The following KIAA1217 variants were observed in gnomAD, a reference collection of about 807,000 sequenced individuals.
KIAA1217 encodes the protein KIAA1217.
A neutral mutation model predicts 163.9 loss-of-function variants in KIAA1217; 88 were observed. The observed-to-expected ratio is 0.54, with a 90% CI of 0.45 to 0.64. KIAA1217 has a LOEUF of 0.64. KIAA1217 is among the 30% of genes least tolerant of loss of function. The probability of loss-of-function intolerance (pLI) is 0.00; values close to 1 mark genes in which losing one functional copy is unlikely to be tolerated. For missense variants in KIAA1217, 2,372 were observed against 2,475.0 expected, an observed-to-expected ratio of 0.96 and a Z score of 0.88; for synonymous variants, 903 against 923.1, an observed-to-expected ratio of 0.98 and a Z score of 0.39.
Position 24,320,577 on chromosome 10 carries a change from C to T in KIAA1217, c.355-60292C>T, listed in dbSNP as rs991696111. On this transcript the variant is annotated intron_variant, in intron 2 of 20. Transcript: ENST00000376454. ...GTGTTCATAGCACCACAGCACCTAT[C>T]TATCCATTTATCAGAATAATCAGCA... is the stretch of plus-strand genomic sequence containing the variant. 2.6e-5 allele frequency among the ~76,000 whole-genome samples: 4 copies of T among 152,226 alleles called. No homozygotes were observed. The East Asian group carries it at 7.7e-4, about 29-fold the overall frequency.
chr10:24,456,931 AC>A (rs1564712853), intron 5 of KIAA1217, among the ~76,000 whole-genome samples: 1 of 151,668 alleles, frequency 6.6e-6, no homozygotes, highest in African/African-American at 2.4e-5. Flanking sequence ...CGAATTCCTA[AC>A]CTCAAATGAT....
chr10:24,532,121 A>G, intron 15 of KIAA1217, 128 bp downstream of exon 15: 1 of 786,766 alleles, frequency 1.3e-6, no homozygotes, highest in Non-Finnish European at 1.8e-6. Context: ...CAAGATCCCC[A>G]GGAAGCACCA....
intron 2 of KIAA1217, among the ~76,000 whole-genome samples, chr10:24,067,701 T>A (rs2061014100): frequency 6.6e-6 from 1 of 152,192 alleles, no homozygotes; most frequent in African/African-American, 2.4e-5. Context: ...TCTGCAGAGG[T>A]TATTGCTGTC....
Position 24,474,138 on chromosome 10 carries a change from G to A in KIAA1217, c.1679+78G>A, listed in dbSNP as rs184283481. On this transcript the variant is annotated intron_variant, in intron 6 of 20. Transcript: ENST00000376454. The stretch of plus-strand genomic sequence containing the variant: ...TGGGCAGCTCTACAGGGGTCAAACC[G>A]ACAGAATAAATGTCTGAGCACCCAT... 2,548 of 1,049,188 alleles carry A rather than the reference G, an allele frequency of 2.4e-3. 7 individuals are homozygous for A. Among genetic ancestry groups the A allele is most frequent in the Middle Eastern group, 3.5e-3 (11 of 3,152 alleles). 65.0% of individuals were successfully genotyped at this position (1,049,188 alleles called of 1,614,324 possible).
chr10:24,183,847 C>G (rs2066295323), intron 2 of KIAA1217, among the ~76,000 whole-genome samples: 1 of 152,232 alleles, frequency 6.6e-6, no homozygotes, highest in South Asian at 2.1e-4. Flanking sequence ...TGCTATATGA[C>G]AGCCTTTCAA....
chr10:24,415,419 G>A (rs538322918), intron 3 of KIAA1217, among the ~76,000 whole-genome samples: 8 of 151,786 alleles, frequency 5.3e-5, no homozygotes, highest in African/African-American at 1.9e-4. Flanking sequence ...CCAGCCACTT[G>A]ATATCTTGTT....
chr10:24,197,145 GACC>G (rs1398784961), intron 2 of KIAA1217, among the ~76,000 whole-genome samples: 1 of 152,172 alleles, frequency 6.6e-6, no homozygotes, highest in Non-Finnish European at 1.5e-5. Flanking sequence ...TATAACCAAT[GACC>G]TTTTAGTTAA....
At chr10:24,330,212 A>G (rs1360571439) in intron 2 of KIAA1217, among the ~76,000 whole-genome samples, 2 of 151,746 alleles carry the variant, frequency 1.3e-5, no homozygotes, top group Non-Finnish European at 2.9e-5. Flanking sequence ...AGGCAGGAGA[A>G]TCACTTGAAC....
At chr10:24,304,380 G>A (rs541435160) in intron 2 of KIAA1217, among the ~76,000 whole-genome samples, 1 of 151,804 alleles carries the variant, frequency 6.6e-6, no homozygotes, top group East Asian at 1.9e-4. Flanking sequence ...TAAATAATGA[G>A]GCAGTGTCTC....
At chr10:24,066,680 A>G (rs1423767856) in intron 2 of KIAA1217, among the ~76,000 whole-genome samples, 1 of 152,082 alleles carries the variant, frequency 6.6e-6, no homozygotes, top group African/African-American at 2.4e-5. Context: ...TTGAATTTGA[A>G]TGTTGGTCTG....
chr10:24,469,052 A>C (rs1403782067), intron 5 of KIAA1217, among the ~76,000 whole-genome samples: 1 of 152,072 alleles, frequency 6.6e-6, no homozygotes, highest in Non-Finnish European at 1.5e-5. Context: ...TAAATTTTAC[A>C]TTTTCTTTTT....
intron 2 of KIAA1217, among the ~76,000 whole-genome samples, chr10:24,319,882 A>G (rs1163481615): frequency 2.0e-5 from 3 of 152,258 alleles, no homozygotes; most frequent in African/African-American, 7.2e-5. Flanking sequence ...TTTACCTGCA[A>G]GGAAGTTCAT....
chr10:24,211,522 A>C (rs1589936252), intron 1 of KIAA1217, among the ~76,000 whole-genome samples: 1 of 150,370 alleles, frequency 6.7e-6, no homozygotes, highest in Admixed American at 6.6e-5. Context: ...GGGACATGCC[A>C]CCATGCATGG....
chr10:24,390,874 G>T (rs2054832199), intron 3 of KIAA1217, among the ~76,000 whole-genome samples: 1 of 152,104 alleles, frequency 6.6e-6, no homozygotes, highest in African/African-American at 2.4e-5. Context: ...CTGAAAAAAG[G>T]CAGCGTTGTC....
At chr10:24,433,294 C>A (rs1440335240) in intron 4 of KIAA1217, 101 bp downstream of exon 4, 7 of 811,218 alleles carry the variant, frequency 8.6e-6, no homozygotes, top group African/African-American at 1.8e-5. Flanking sequence ...CACTATATTG[C>A]ATTTAGAGTG....
At chr10:24,101,201 C>T (rs2062400975) in intron 2 of KIAA1217, among the ~76,000 whole-genome samples, 1 of 152,168 alleles carries the variant, frequency 6.6e-6, no homozygotes, top group Admixed American at 6.5e-5. Context: ...GAAAAGCACT[C>T]CTGTGTTAAC....
intron 1 of KIAA1217, among the ~76,000 whole-genome samples, chr10:23,898,715 GAAACTT>G (rs1203448542): frequency 2.0e-5 from 3 of 151,866 alleles, no homozygotes; most frequent in Non-Finnish European, 2.9e-5. Context: ...GTACAAAACT[GAAACTT>G]AAACAAGTCC....
At chr10:24,480,760 A>C (rs1217035768) in intron 6 of KIAA1217, among the ~76,000 whole-genome samples, 1 of 152,356 alleles carries the variant, frequency 6.6e-6, no homozygotes, top group South Asian at 2.1e-4. Flanking sequence ...TTCTGAATAT[A>C]ATATCAGAAA....
At position 24,305,558 on chromosome 10, in the gene KIAA1217, T is replaced by TC. The variant is rs547476534; in HGVS notation, c.355-75304dup. Among the ~76,000 whole-genome samples, 5 of 152,130 alleles carry TC rather than the reference T, an allele frequency of 3.3e-5. No homozygotes were observed. In the East Asian group the frequency reaches 9.6e-4, roughly 29 times the overall value. The stretch of plus-strand genomic sequence containing the variant: ...TCCTTGCTTTAAACTGTAAACTAAA[T>TC]CCCCCCCATGGTTATCTTGGCTTAT... On this transcript the variant is annotated intron_variant, in intron 2 of 20. Coordinates refer to ENST00000376454, the MANE Select transcript of KIAA1217 (RefSeq NM_019590.5).
Sources: gnomAD v4.1 joint callset for allele counts (sites outside exome capture counted in the v4.1 genomes callset) on GRCh38, gnomAD v4.1.1 for gene constraint, MANE v1.5 for transcripts, NCBI Gene and HGNC (gene_info 2026-07-23, HGNC 2026-07-21) for gene names.